CCDC148: variants seen among roughly 807,000 people sequenced by gnomAD.
CCDC148 encodes coiled-coil domain-containing protein 148.
CCDC148 carries 89 observed loss-of-function variants against 85.7 expected under a neutral mutation model. The ratio of observed to expected loss-of-function variants is 1.04; its 90% CI spans 0.87 to 1.24. CCDC148 has a LOEUF of 1.24. Ranked by LOEUF, CCDC148 falls within the 50% of genes most tolerant of loss-of-function variation. The pLI is 0.00. For synonymous variants in CCDC148, 230 were observed against 213.9 expected (o/e 1.08, Z -0.66); for missense variants, 692 against 671.7 (o/e 1.03, Z -0.33).
intron 11 of CCDC148, among the ~76,000 whole-genome samples, chr2:158,180,177 A>G (rs1684823681): frequency 1.3e-5 from 2 of 152,028 alleles, no homozygotes; most frequent in African/African-American, 4.8e-5. Context: ...TAGTGTGCAC[A>G]CCTGCATTTT....
chr2:158,442,144 AAAAC>A (rs1687961502), intron 1 of CCDC148, among the ~76,000 whole-genome samples: 1 of 152,168 alleles, frequency 6.6e-6, no homozygotes, highest in African/African-American at 2.4e-5. Context: ...TCTGTTATAA[AAAAC>A]AAAGGCTTTT....
chr2:158,341,581 C>A (rs1023910812), intron 3 of CCDC148, among the ~76,000 whole-genome samples: 2 of 151,938 alleles, frequency 1.3e-5, no homozygotes, highest in Non-Finnish European at 2.9e-5. Context: ...TCCCAAAGTG[C>A]CAGGATTACA....
Position 158,306,935 on chromosome 2 carries a change from C to T in CCDC148, c.1110+2498G>A, listed in dbSNP as rs535351416. Among the ~76,000 whole-genome samples the T allele has an allele frequency of 4.2e-3, 629 of 150,752 alleles. 2 individuals are homozygous for T. Among genetic ancestry groups the T allele is most frequent in the African/African-American group, 0.014 (578 of 41,088 alleles). On this transcript the variant is annotated intron_variant, in intron 9 of 13. Transcript: ENST00000283233. ...TCAGGAAGCTGAGGCAGGAGAATGG[C>T]GTGAACCCGGGAGGCGCAGCTTGCA...
At chr2:158,185,392 A>G (rs926339713) in intron 11 of CCDC148, among the ~76,000 whole-genome samples, 1 of 152,178 alleles carries the variant, frequency 6.6e-6, no homozygotes, top group Non-Finnish European at 1.5e-5. Flanking sequence ...AGGAAGAGGA[A>G]ATAACTCGAA....
chr2:158,362,684 T>C (rs10189880), intron 1 of CCDC148, among the ~76,000 whole-genome samples: 61,552 of 151,870 alleles, frequency 0.41, 13,159 homozygotes, highest in South Asian at 0.61. Context: ...TAGAGGGAAA[T>C]TGATAGCACT....
At chr2:158,379,696 C>T (rs548029176) in intron 1 of CCDC148, among the ~76,000 whole-genome samples, 3 of 152,062 alleles carry the variant, frequency 2.0e-5, no homozygotes, top group South Asian at 4.1e-4. Flanking sequence ...AGACCCTCCA[C>T]CAGCAAAAAG....
intron 7 of CCDC148, chr2:158,338,522 A>G (rs1431877987): frequency 2.2e-6 from 1 of 461,600 alleles, no homozygotes; most frequent in South Asian, 3.4e-5. Flanking sequence ...TCTTAACCTT[A>G]TAAAAATCTT....
chr2:158,301,183 T>C (rs557240116), intron 9 of CCDC148, among the ~76,000 whole-genome samples: 1 of 152,258 alleles, frequency 6.6e-6, no homozygotes, highest in South Asian at 2.1e-4. Context: ...GATAGAGCAT[T>C]CTGCCTGCAA....
chr2:158,424,755 G>C, intron 1 of CCDC148: 2 of 213,194 alleles, frequency 9.4e-6, no homozygotes, highest in Non-Finnish European at 9.5e-6. Context: ...AAAGGGTTTT[G>C]TGGGTGGATT....
At chr2:158,328,023 CTTTTT>C (rs1392410694) in intron 7 of CCDC148, among the ~76,000 whole-genome samples, 1 of 148,430 alleles carries the variant, frequency 6.7e-6, no homozygotes, top group South Asian at 2.1e-4. Flanking sequence ...TATCTCATTT[CTTTTT>C]TTTTTATTTA....
chr2:158,389,649 T>A (rs1239148349), intron 1 of CCDC148, among the ~76,000 whole-genome samples: 1 of 152,210 alleles, frequency 6.6e-6, no homozygotes, highest in Admixed American at 6.5e-5. Context: ...ATTACCTATT[T>A]ATTTGTAAAG....
intron 9 of CCDC148, among the ~76,000 whole-genome samples, chr2:158,307,056 A>G (rs1356586817): frequency 2.0e-5 from 3 of 151,788 alleles, no homozygotes; most frequent in African/African-American, 7.3e-5. Context: ...TATATATAAC[A>G]TATCTCAAAG....
chr2:158,436,541 A>T (rs1229035998), intron 1 of CCDC148, among the ~76,000 whole-genome samples: 4 of 152,234 alleles, frequency 2.6e-5, no homozygotes, highest in Non-Finnish European at 5.9e-5. Flanking sequence ...TCTAAAATGG[A>T]CACCCTAACA....
At chr2:158,409,001 G>A (rs182229319) in intron 1 of CCDC148, among the ~76,000 whole-genome samples, 35 of 151,890 alleles carry the variant, frequency 2.3e-4, no homozygotes, top group African/African-American at 5.8e-4. Context: ...TCAGATTTTC[G>A]CCCATTTTTT....
intron 9 of CCDC148, among the ~76,000 whole-genome samples, chr2:158,287,046 G>C (rs1413764499): frequency 6.6e-6 from 1 of 152,160 alleles, no homozygotes; most frequent in South Asian, 2.1e-4. Context: ...TTCTTACATG[G>C]TGGTGGCAGG....
intron 10 of CCDC148, among the ~76,000 whole-genome samples, chr2:158,238,329 G>T (rs1278796808): frequency 6.6e-6 from 1 of 152,038 alleles, no homozygotes; most frequent in Non-Finnish European, 1.5e-5. Context: ...GACACGTCAT[G>T]CACTGTAAAA....
At chr2:158,450,527 G>T (rs535291330) in intron 1 of CCDC148, among the ~76,000 whole-genome samples, 3 of 152,252 alleles carry the variant, frequency 2.0e-5, no homozygotes, top group African/African-American at 4.8e-5. Flanking sequence ...TCCAACATAG[G>T]TCCACTTACG....
At chr2:158,185,569 G>T (rs539794576) in intron 11 of CCDC148, among the ~76,000 whole-genome samples, 1 of 152,212 alleles carries the variant, frequency 6.6e-6, no homozygotes, top group East Asian at 1.9e-4. Flanking sequence ...GTTCAGGTGA[G>T]CTGGAAGTGA....
chr2:158,331,500 A>C (rs1439889872), intron 7 of CCDC148, among the ~76,000 whole-genome samples: 1 of 152,060 alleles, frequency 6.6e-6, no homozygotes, highest in Non-Finnish European at 1.5e-5. Context: ...TGGGGTGGAG[A>C]GTTCTGTAGA....
Sources: allele counts gnomAD v4.1 joint callset (sites outside exome capture counted in the v4.1 genomes callset), GRCh38; gene constraint gnomAD v4.1.1; transcripts MANE v1.5; gene names NCBI Gene and HGNC (gene_info 2026-07-23, HGNC 2026-07-21).